USH2A: variants seen among roughly 807,000 people sequenced by gnomAD.
USH2A encodes Usher syndrome 2A (autosomal recessive, mild).
Under a neutral mutation model 538.9 loss-of-function variants are expected in USH2A, and 443 were observed. The ratio of observed to expected loss-of-function variants is 0.82; its 90% CI spans 0.76 to 0.89. The LOEUF is 0.89. Among genes scored for constraint, USH2A ranks in the 40% least tolerant of loss-of-function variants. USH2A has a pLI of 0.00. For missense variants in USH2A, 6,633 were observed against 6,324.8 expected (o/e 1.05, Z -1.65); for synonymous variants, 2,413 against 2,273.5 (o/e 1.06, Z -1.75).
intron 54 of USH2A, among the ~76,000 whole-genome samples, chr1:215,781,237 G>T (rs187501071): frequency 6.6e-6 from 1 of 151,920 alleles, no homozygotes; most frequent in Non-Finnish European, 1.5e-5. Flanking sequence ...TCTCAATCTG[G>T]TTTCTGACCA....
chr1:216,034,054 T>C (rs1386531156), intron 32 of USH2A, among the ~76,000 whole-genome samples: 2 of 152,120 alleles, frequency 1.3e-5, no homozygotes, highest in African/African-American at 2.4e-5. Flanking sequence ...GAGTGCCCAA[T>C]ATGCAGTGAG....
Position 215,674,730 on chromosome 1 carries a change from T to C in USH2A, c.13181A>G (p.Asp4394Gly). ...CTGGCCAGCAAGGGACTCTTTATTA[T>C]CATATCTAACTAAATATTTAGTAAT... ...GKITKYLVRY[D>G]NKESLAGQGL... The change falls in exon 63 of 72, where the codon GAT becomes GGT. Residue 4394 changes from aspartate (D) to glycine (G), a missense_variant. Transcript: ENST00000307340. 6.2e-7 allele frequency: 1 copy of C among 1,614,126 alleles called. No homozygotes were observed. Among genetic ancestry groups the C allele is most frequent in the Non-Finnish European group, 8.5e-7 (1 of 1,180,038 alleles).
At chr1:216,319,423 A>T (rs1326537016) in intron 9 of USH2A, among the ~76,000 whole-genome samples, 1 of 152,190 alleles carries the variant, frequency 6.6e-6, no homozygotes, top group African/African-American at 2.4e-5. Flanking sequence ...TATTAAAATC[A>T]GTTCTTCTAA....
intron 32 of USH2A, among the ~76,000 whole-genome samples, chr1:216,010,347 C>T (rs1481556022): frequency 6.6e-6 from 1 of 152,096 alleles, no homozygotes; most frequent in Non-Finnish European, 1.5e-5. Context: ...TAAGCCACGT[C>T]CCATCTGTGC....
chr1:216,141,214 AAT>A, intron 21 of USH2A, among the ~76,000 whole-genome samples: 1 of 152,326 alleles, frequency 6.6e-6, no homozygotes, highest in Non-Finnish European at 1.5e-5. Context: ...TTGAACCTGC[AAT>A]ACACACACGT....
At chr1:216,403,630 A>G (rs1049248130) in intron 3 of USH2A, among the ~76,000 whole-genome samples, 3 of 152,204 alleles carry the variant, frequency 2.0e-5, no homozygotes, top group African/African-American at 7.2e-5. Context: ...ACCAACAATA[A>G]TCATGCAGAA....
At chr1:215,717,505 T>A (rs571379566) in intron 61 of USH2A, among the ~76,000 whole-genome samples, 1 of 152,306 alleles carries the variant, frequency 6.6e-6, no homozygotes, top group African/African-American at 2.4e-5. Context: ...ATCAATACCA[T>A]GCATGACAAA....
At chr1:215,821,803 G>T (rs997243793) in intron 47 of USH2A, among the ~76,000 whole-genome samples, 2 of 151,530 alleles carry the variant, frequency 1.3e-5, no homozygotes, top group African/African-American at 2.4e-5. Flanking sequence ...AAGAGATAGG[G>T]GTCTATCTCT....
At chr1:215,856,971 A>T (rs754969009) in intron 44 of USH2A, among the ~76,000 whole-genome samples, 40 of 152,080 alleles carry the variant, frequency 2.6e-4, no homozygotes, top group Non-Finnish European at 4.6e-4. Context: ...CAGGAATGAA[A>T]AACCAAACAT....
At chr1:215,845,554 G>T (rs893123255) in intron 45 of USH2A, among the ~76,000 whole-genome samples, 6 of 152,108 alleles carry the variant, frequency 3.9e-5, no homozygotes, top group African/African-American at 1.4e-4. Flanking sequence ...ATTTATTGAT[G>T]TGAACTCAGT....
intron 9 of USH2A, among the ~76,000 whole-genome samples, chr1:216,302,967 T>A (rs747670869): frequency 2.6e-5 from 4 of 152,060 alleles, no homozygotes; most frequent in Non-Finnish European, 4.4e-5. Context: ...TAATTATGTC[T>A]AGTGGTTGAA....
intron 10 of USH2A, among the ~76,000 whole-genome samples, chr1:216,290,495 ACAATACCCATTG>A: frequency 6.6e-6 from 1 of 152,170 alleles, no homozygotes; most frequent in Non-Finnish European, 1.5e-5. Context: ...AACTAAATAC[ACAATACCCATTG>A]CATCTCTTTC....
chr1:215,659,914 C>T (rs758586385), intron 64 of USH2A, among the ~76,000 whole-genome samples: 4 of 152,184 alleles, frequency 2.6e-5, no homozygotes, highest in Non-Finnish European at 5.9e-5. Context: ...CTTGCTAAAT[C>T]ATTCAGGTTC....
chr1:215,874,673 T>C (rs1247914019), intron 43 of USH2A, among the ~76,000 whole-genome samples: 1 of 152,202 alleles, frequency 6.6e-6, no homozygotes, highest in African/African-American at 2.4e-5. Context: ...TGAATCTTAA[T>C]TTTACTTTTT....
chr1:216,278,439 C>T (rs2036711613), intron 11 of USH2A, among the ~76,000 whole-genome samples: 1 of 152,134 alleles, frequency 6.6e-6, no homozygotes, highest in South Asian at 2.1e-4. Context: ...ACCTTTGTTC[C>T]TGTCTTTGTG....
At chr1:215,782,272 G>C in intron 53 of USH2A, 76 bp from the exon 54 acceptor site, 2 of 1,496,622 alleles carry the variant, frequency 1.3e-6, no homozygotes, top group East Asian at 2.3e-5. Context: ...ACAAATCTTA[G>C]TGTTCGGAAG....
intron 62 of USH2A, among the ~76,000 whole-genome samples, chr1:215,675,953 A>G (rs1444759902): frequency 6.6e-6 from 1 of 152,052 alleles, no homozygotes; most frequent in Admixed American, 6.6e-5. Flanking sequence ...TAAAGTAGAG[A>G]ATAGTATTAA....
At chr1:215,715,617 A>G (rs1338623459) in intron 61 of USH2A, among the ~76,000 whole-genome samples, 1 of 152,184 alleles carries the variant, frequency 6.6e-6, no homozygotes, top group Non-Finnish European at 1.5e-5. Flanking sequence ...TAATGAAGAG[A>G]GTTTTCAAGA....
At chr1:215,996,643 G>A (rs542844300) in intron 34 of USH2A, among the ~76,000 whole-genome samples, 1 of 114,386 alleles carries the variant, frequency 8.7e-6, no homozygotes, top group African/African-American at 3.4e-5. Flanking sequence ...TAATTCCAGT[G>A]TTTCCAAGCA....
Sources: gnomAD v4.1 joint callset for allele counts (sites outside exome capture counted in the v4.1 genomes callset) on GRCh38, gnomAD v4.1.1 for gene constraint, MANE v1.5 for transcripts, NCBI Gene and HGNC (gene_info 2026-07-23, HGNC 2026-07-21) for gene names.